Variants in ART4 observed in about 807,000 individuals in gnomAD.
The protein encoded by ART4 is ADP-ribosyltransferase 4 (inactive) (Dombrock blood group).
Under a neutral mutation model 24.2 loss-of-function variants are expected in ART4, and 14 were observed. That is an observed-to-expected ratio of 0.58 (90% CI 0.38 to 0.90). The LOEUF (loss-of-function observed/expected upper bound fraction) is 0.90. Among genes scored for constraint, ART4 ranks in the 40% least tolerant of loss-of-function variants. The pLI is 0.00. For synonymous variants in ART4, 145 were observed against 139.9 expected, an observed-to-expected ratio of 1.04 and a Z score of -0.26; for missense variants, 356 against 366.6, an observed-to-expected ratio of 0.97 and a Z score of 0.24.
At position 14,829,132 on chromosome 12, in the gene ART4, T is replaced by C; in HGVS notation, c.*239A>G. The C allele has an allele frequency of 3.2e-6, 1 of 312,578 alleles. No individual in the cohort carries two copies. Among genetic ancestry groups the C allele is most frequent in the South Asian group, 8.3e-5 (1 of 12,012 alleles). 19.4% of individuals were successfully genotyped at this position (312,578 alleles called of 1,614,324 possible). A position where few individuals can be genotyped will look rare whatever the true frequency, so the allele number is the denominator to read the frequency against. ...GTGGGCTGAGCCAGCTCTGCATCAG[T>C]TGCTAGCTGGGCAGAGTGATTTCCC... is the stretch of plus-strand genomic sequence containing the variant. On this transcript the variant is annotated 3_prime_UTR_variant, in exon 3 of 3. Transcript: ENST00000228936.
chr12:14,836,333 A>C (rs991292353), intron 2 of ART4, among the ~76,000 whole-genome samples: 1 of 152,106 alleles, frequency 6.6e-6, no homozygotes, highest in African/African-American at 2.4e-5. Context: ...TTATGAAATA[A>C]AATGAGGGTC....
chr12:14,837,412 A>G (rs906685934), intron 2 of ART4, among the ~76,000 whole-genome samples: 1 of 152,230 alleles, frequency 6.6e-6, no homozygotes, highest in African/African-American at 2.4e-5. Flanking sequence ...CACTCATTCA[A>G]CAAAATAGGC....
chr12:14,842,215 G>A (rs1177762783), intron 1 of ART4, among the ~76,000 whole-genome samples: 1 of 152,158 alleles, frequency 6.6e-6, no homozygotes, highest in Non-Finnish European at 1.5e-5. Context: ...TCTTGGCAAA[G>A]AAATGATGTT....
intron 2 of ART4, among the ~76,000 whole-genome samples, chr12:14,835,071 CT>C (rs1950420401): frequency 6.6e-6 from 1 of 152,156 alleles, no homozygotes; most frequent in Non-Finnish European, 1.5e-5. Flanking sequence ...TTCAAGTGGT[CT>C]TTCCAGTATC....
rs1483502152 is a variant in ART4, at chr12:14,840,812, G to A, written c.486C>T (p.Tyr162=). 3 of 1,614,108 alleles carry A rather than the reference G, an allele frequency of 1.9e-6. No individual in the cohort carries two copies. The African/African-American group carries it at 4.0e-5, about 22-fold the overall frequency. ...RSFHFKYLHY[Y]LTSAIQLLRK... is the part of the protein sequence containing the mutation. The stretch of plus-strand genomic sequence containing the variant: ...TCAGCAGCTGGATTGCTGAGGTGAG[G>A]TAGTAGTGTAAATATTTGAAGTGGA... The change falls in exon 2 of 3, where the codon TAC becomes TAT. Residue 162 remains tyrosine (Y), a synonymous_variant. Coordinates refer to ENST00000228936, the MANE Select transcript of ART4 (RefSeq NM_021071.4).
At chr12:14,830,534 G>GGGGT in intron 2 of ART4, among the ~76,000 whole-genome samples, 1 of 45,488 alleles carries the variant, frequency 2.2e-5, no homozygotes, top group African/African-American at 9.3e-5. Flanking sequence ...TTTCTATATA[G>GGGGT]GAGTGTGTGT....
chr12:14,826,848 TA>T lies in ART4; in HGVS notation c.*2522del, dbSNP rs1445877325. 6.6e-6 allele frequency: 1 copy of T among 152,240 alleles called. No homozygotes were observed. The highest frequency in any genetic ancestry group is 1.5e-5 in the Non-Finnish European group (1 of 68,046). The allele number at this position is 152,240 out of a possible 1,614,324, so 9.4% of individuals were successfully genotyped here. A position where few individuals can be genotyped will look rare whatever the true frequency, so the allele number is the denominator to read the frequency against. ...CATTTTTCTCTCAGCTCCAAGCATT[TA>T]ATATTTGGCCTTGTTTTGGGCACTA... On this transcript the variant is annotated 3_prime_UTR_variant, in exon 3 of 3. Transcript: ENST00000228936.
rs1215090099 is a variant in ART4, at chr12:14,825,951, G to A, written c.*3420C>T. 1 of 152,110 alleles carries A rather than the reference G, an allele frequency of 6.6e-6. No homozygotes were observed. The highest frequency in any genetic ancestry group is 2.4e-5 in the African/African-American group (1 of 41,422). 9.4% of individuals were successfully genotyped at this position (152,110 alleles called of 1,614,324 possible). A position where few individuals can be genotyped will look rare whatever the true frequency, so the allele number is the denominator to read the frequency against. On this transcript the variant is annotated 3_prime_UTR_variant, in exon 3 of 3. Transcript: ENST00000228936. ...AGTATATTTCTGTACACATCAAAAG[G>A]AGACATACATGTATTTGTTTAATAA...
chr12:14,842,499 T>C (rs530305986), intron 1 of ART4, among the ~76,000 whole-genome samples: 2 of 152,210 alleles, frequency 1.3e-5, no homozygotes, highest in African/African-American at 2.4e-5. Flanking sequence ...AATAATACAA[T>C]GTTCTGTCAA....
chr12:14,830,649 GTATATATA>G (rs3084548), intron 2 of ART4, among the ~76,000 whole-genome samples: 2,266 of 25,838 alleles, frequency 0.088, 122 homozygotes, highest in Non-Finnish European at 0.12. Context: ...CTGTATGTAT[GTATATATA>G]TATATATATA....
intron 2 of ART4, among the ~76,000 whole-genome samples, chr12:14,833,272 G>T (rs116017623): frequency 2.3e-3 from 344 of 152,256 alleles, no homozygotes; most frequent in African/African-American, 7.7e-3. Context: ...ATATTTATGT[G>T]TGTGTGAACT....
At chr12:14,833,185 T>G (rs1156522890) in intron 2 of ART4, among the ~76,000 whole-genome samples, 1 of 152,150 alleles carries the variant, frequency 6.6e-6, no homozygotes, top group Non-Finnish European at 1.5e-5. Context: ...ATAAAATAAG[T>G]TAGAATAGAA....
rs559028739 is a variant in ART4, at chr12:14,841,139, G to A, written c.159C>T (p.Ile53=). The change falls in exon 2 of 3, where the codon ATC becomes ATT. Residue 53 remains isoleucine, a synonymous_variant. Coordinates refer to ENST00000228936, the MANE Select transcript of ART4 (RefSeq NM_021071.4). ...AAGAACCTGGTGCGAAGTCGAAGTC[G>A]ATTTTAATTGCAACCTGTAAAAAAA... ...PTEGSEVAIK[I]DFDFAPGSFD... The A allele has an allele frequency of 5.7e-6, 9 of 1,573,306 alleles. No homozygotes were observed. The African/African-American group carries it at 6.9e-5, about 12-fold the overall frequency.
At chr12:14,835,250 A>G (rs1051636469) in intron 2 of ART4, among the ~76,000 whole-genome samples, 1 of 152,218 alleles carries the variant, frequency 6.6e-6, no homozygotes, top group Non-Finnish European at 1.5e-5. Context: ...GGAGTTAGAT[A>G]TCAGTGTTCC....
intron 1 of ART4, 96 bp downstream of exon 1, chr12:14,842,874 A>G: frequency 7.2e-7 from 1 of 1,391,834 alleles, no homozygotes; most frequent in Non-Finnish European, 9.6e-7. Flanking sequence ...TAGATTCTGA[A>G]TGCCTAAGTT....
rs1410529113 is a variant in ART4, at chr12:14,843,483, A to T, written c.-370T>A. 1 of 178,862 alleles carries T rather than the reference A, an allele frequency of 5.6e-6. No individual in the cohort carries two copies. The highest frequency in any genetic ancestry group is 1.2e-5 in the Non-Finnish European group (1 of 83,404). The allele number at this position is 178,862 out of a possible 1,614,324, so 11.1% of individuals were successfully genotyped here. ...AGTTCAGCCTTCCCTTTCCCAGCCAAACAGGAAAAAGCATGCTCTGTCCAG... is the reference window on the plus strand; with the variant it reads ...AGTTCAGCCTTCCCTTTCCCAGCCATACAGGAAAAAGCATGCTCTGTCCAG... On this transcript the variant is annotated 5_prime_UTR_variant, in exon 1 of 3. In the 5' UTR this introduces an upstream ATG that the reference lacks. Coordinates refer to ENST00000228936, the MANE Select transcript of ART4 (RefSeq NM_021071.4).
At chr12:14,842,567 C>T (rs781654779) in intron 1 of ART4, among the ~76,000 whole-genome samples, 1 of 152,188 alleles carries the variant, frequency 6.6e-6, no homozygotes, top group African/African-American at 2.4e-5. Context: ...AATATGTACT[C>T]TGTCATCTCT....
In ART4 at chr12:14,840,792, A is replaced by T. The variant is rs774612409; in HGVS notation, c.506T>A (p.Leu169Gln). Residue 169 changes from leucine to glutamine, a missense_variant, in exon 2 of 3, where the codon CTG becomes CAG. By Grantham distance (113) the Leu-to-Gln change is moderately radical. Transcript: ENST00000228936. ...LHYYLTSAIQ[L>Q]LRKDSIMENG... Reference sequence around the variant, plus strand: ...CTCCATGATGCTGTCTTTCCTCAGCAGCTGGATTGCTGAGGTGAGGTAGTA... The same window carrying T: ...CTCCATGATGCTGTCTTTCCTCAGCTGCTGGATTGCTGAGGTGAGGTAGTA... 10 of 1,614,212 alleles carry T rather than the reference A, an allele frequency of 6.2e-6. No individual in the cohort carries two copies. Among genetic ancestry groups the T allele is most frequent in the Admixed American group, 5.0e-5 (3 of 60,028 alleles).
chr12:14,833,913 T>C (rs1950412356), intron 2 of ART4, among the ~76,000 whole-genome samples: 2 of 152,192 alleles, frequency 1.3e-5, no homozygotes, highest in African/African-American at 4.8e-5. Context: ...CGTTATTCCT[T>C]CTGCCTCTTC....
Sources: gnomAD v4.1 joint callset for allele counts (sites outside exome capture counted in the v4.1 genomes callset) on GRCh38, gnomAD v4.1.1 for gene constraint, MANE v1.5 for transcripts, NCBI Gene and HGNC (gene_info 2026-07-23, HGNC 2026-07-21) for gene names.